MIPOL1: variants seen among roughly 807,000 people sequenced by gnomAD.
The protein encoded by MIPOL1 is mirror-image polydactyly gene 1 protein.
Under a neutral mutation model 60.9 loss-of-function variants are expected in MIPOL1, and 57 were observed. The ratio of observed to expected loss-of-function variants is 0.94; its 90% CI spans 0.76 to 1.17. MIPOL1 has a LOEUF of 1.17. Ranked by LOEUF, MIPOL1 falls within the 50% of genes most tolerant of loss-of-function variation. MIPOL1 has a pLI of 0.00. For synonymous variants in MIPOL1, 179 were observed against 168.8 expected (o/e 1.06, Z -0.47); for missense variants, 551 against 511.6 (o/e 1.08, Z -0.74).
intron 11 of MIPOL1, among the ~76,000 whole-genome samples, chr14:37,439,457 G>A (rs1260966591): frequency 6.6e-6 from 1 of 151,976 alleles, no homozygotes; most frequent in Non-Finnish European, 1.5e-5. Flanking sequence ...GAGAGCCTTG[G>A]GAATATAGAG....
At chr14:37,276,576 T>C (rs2153399210) in intron 6 of MIPOL1, 1 of 151,324 alleles carries the variant, frequency 6.6e-6, no homozygotes, top group South Asian at 2.1e-4. Flanking sequence ...TCTCAGATGA[T>C]GTTGACCATC....
intron 9 of MIPOL1, among the ~76,000 whole-genome samples, chr14:37,360,079 A>G (rs1392115393): frequency 5.3e-5 from 8 of 152,086 alleles, no homozygotes; most frequent in African/African-American, 7.2e-5. Flanking sequence ...TGAGACAATC[A>G]TGTGGTTTTT....
At chr14:37,378,684 G>A (rs2092842801) in intron 10 of MIPOL1, among the ~76,000 whole-genome samples, 1 of 151,330 alleles carries the variant, frequency 6.6e-6, no homozygotes, top group Non-Finnish European at 1.5e-5. Flanking sequence ...AGGAAGGGAT[G>A]AAAGAAAAGA....
chr14:37,368,831 T>C (rs1450785759), intron 9 of MIPOL1, among the ~76,000 whole-genome samples: 1 of 152,066 alleles, frequency 6.6e-6, no homozygotes, highest in Non-Finnish European at 1.5e-5. Context: ...TATTGGCTCA[T>C]TGAAACTTTA....
At chr14:37,410,128 A>G (rs1335430981) in intron 10 of MIPOL1, among the ~76,000 whole-genome samples, 1 of 152,240 alleles carries the variant, frequency 6.6e-6, no homozygotes, top group Non-Finnish European at 1.5e-5. Context: ...TTATAAAAGT[A>G]GCCAGCCAAA....
chr14:37,285,251 T>G, intron 6 of MIPOL1, 67 bp from the exon 7 acceptor site: 1 of 1,553,592 alleles, frequency 6.4e-7, no homozygotes, highest in South Asian at 1.2e-5. Context: ...GGCTTTTATT[T>G]TTGCTAAAGG....
chr14:37,284,936 A>G (rs954159251), intron 6 of MIPOL1, among the ~76,000 whole-genome samples: 4 of 152,226 alleles, frequency 2.6e-5, no homozygotes, highest in African/African-American at 7.2e-5. Flanking sequence ...TCTCTAGGCT[A>G]TATACCAAAG....
At chr14:37,211,504 C>T (rs559008175) in intron 1 of MIPOL1, among the ~76,000 whole-genome samples, 5 of 152,104 alleles carry the variant, frequency 3.3e-5, no homozygotes, top group East Asian at 1.9e-4. Flanking sequence ...TGCCCACCCA[C>T]GGAGGGAACA....
intron 11 of MIPOL1, among the ~76,000 whole-genome samples, chr14:37,475,444 T>C (rs1189951062): frequency 6.6e-6 from 1 of 152,152 alleles, no homozygotes; most frequent in East Asian, 1.9e-4. Flanking sequence ...ACTTACCTGT[T>C]TTTTTCTTTC....
intron 9 of MIPOL1, among the ~76,000 whole-genome samples, chr14:37,353,691 C>T (rs894201352): frequency 6.7e-4 from 102 of 151,992 alleles, no homozygotes; most frequent in African/African-American, 2.0e-3. Context: ...AGTTTATTTG[C>T]GTAGAGGTGT....
At chr14:37,362,103 A>T (rs760812670) in intron 9 of MIPOL1, among the ~76,000 whole-genome samples, 4 of 152,064 alleles carry the variant, frequency 2.6e-5, no homozygotes, top group Admixed American at 1.3e-4. Flanking sequence ...CATTTAGCTC[A>T]TTTACATTTA....
chr14:37,408,255 A>G (rs1019490679), intron 10 of MIPOL1, among the ~76,000 whole-genome samples: 3 of 152,154 alleles, frequency 2.0e-5, no homozygotes, highest in African/African-American at 7.2e-5. Context: ...TACTTTTCAT[A>G]TATTTTTATT....
rs535978128 is a variant in MIPOL1, at chr14:37,451,808, C to CTTTTTTTTTTTTTTTTTTTT, written c.1031+28864_1031+28883dup. On this transcript the variant is annotated intron_variant, in intron 11 of 12. Transcript: ENST00000684589. ...CTTAAGGTTCTTTTGTTTATTCTCTCTTTTTTTTTTTTTTTTTTTTTTTTG... is the reference window on the plus strand; with the variant it reads ...CTTAAGGTTCTTTTGTTTATTCTCTCTTTTTTTTTTTTTTTTTTTTTTTTTTTTTTTTTTTTTTTTTTTTG... Among the ~76,000 whole-genome samples the CTTTTTTTTTTTTTTTTTTTT allele has an allele frequency of 3.2e-4, 27 of 84,562 alleles. 3 individuals are homozygous for CTTTTTTTTTTTTTTTTTTTT. The highest frequency in any genetic ancestry group is 1.7e-3 in the African/African-American group (27 of 15,744). 55.5% of individuals were successfully genotyped at this position (84,562 alleles called of 152,430 possible).
At chr14:37,409,658 C>T (rs368435278) in intron 10 of MIPOL1, among the ~76,000 whole-genome samples, 30 of 152,172 alleles carry the variant, frequency 2.0e-4, no homozygotes, top group Admixed American at 9.2e-4. Context: ...TGGTGGCACA[C>T]GCCTGTAGTC....
chr14:37,496,839 G>A (rs983765435), intron 11 of MIPOL1, among the ~76,000 whole-genome samples: 10 of 152,000 alleles, frequency 6.6e-5, no homozygotes, highest in East Asian at 5.8e-4. Context: ...AGTCTGCATC[G>A]CCAAGTCAAT....
At chr14:37,369,346 G>A (rs2092572490) in intron 9 of MIPOL1, among the ~76,000 whole-genome samples, 171 bp from the exon 10 acceptor site, 1 of 151,496 alleles carries the variant, frequency 6.6e-6, no homozygotes, top group Non-Finnish European at 1.5e-5. Context: ...AATACTGTAA[G>A]CAATGTTTTT....
At chr14:37,421,048 A>G (rs891029697) in intron 10 of MIPOL1, among the ~76,000 whole-genome samples, 3 of 152,188 alleles carry the variant, frequency 2.0e-5, no homozygotes, top group African/African-American at 7.2e-5. Context: ...ACTGTTATAA[A>G]GCAACCAAGT....
At chr14:37,430,014 C>T (rs140871349) in intron 11 of MIPOL1, among the ~76,000 whole-genome samples, 155 of 152,214 alleles carry the variant, frequency 1.0e-3, no homozygotes, top group African/African-American at 3.7e-3. Context: ...TCAATCCTGA[C>T]CTCGTTAGTT....
intron 10 of MIPOL1, among the ~76,000 whole-genome samples, chr14:37,416,557 A>C (rs1024019222): frequency 2.0e-5 from 3 of 152,238 alleles, no homozygotes; most frequent in Non-Finnish European, 4.4e-5. Flanking sequence ...GAAAAAGTAC[A>C]GTAAAAATAT....
Sources: gnomAD v4.1 joint callset for allele counts (sites outside exome capture counted in the v4.1 genomes callset) on GRCh38, gnomAD v4.1.1 for gene constraint, MANE v1.5 for transcripts, NCBI Gene and HGNC (gene_info 2026-07-23, HGNC 2026-07-21) for gene names.